The following NCAM2 variants were observed in gnomAD, a reference collection of about 807,000 sequenced individuals.
NCAM2 encodes N-CAM-2.
NCAM2 carries 30 observed loss-of-function variants against 98.1 expected under a neutral mutation model. The observed-to-expected ratio is 0.31, with a 90% CI of 0.23 to 0.41. The LOEUF (loss-of-function observed/expected upper bound fraction) is 0.41. Ranked by LOEUF, NCAM2 falls within the 10% of genes least tolerant of loss-of-function variation. NCAM2 has a pLI of 1.00. For missense variants in NCAM2, 867 were observed against 1,005.8 expected (o/e 0.86, Z 1.87); for synonymous variants, 368 against 342.4 (o/e 1.07, Z -0.83).
chr21:21,121,667 C>G (rs2066677162), intron 1 of NCAM2, among the ~76,000 whole-genome samples: 1 of 152,134 alleles, frequency 6.6e-6, no homozygotes, highest in Non-Finnish European at 1.5e-5. Context: ...TTCACTCTAG[C>G]CAGTTGAAGC....
intron 1 of NCAM2, among the ~76,000 whole-genome samples, chr21:21,155,224 G>T (rs1414749496): frequency 6.6e-6 from 1 of 150,736 alleles, no homozygotes; most frequent in Admixed American, 6.7e-5. Flanking sequence ...GAAAATGTTT[G>T]CCATGTGAGC....
rs140830729 is a variant in NCAM2 at position 21,120,788 on chromosome 21, G to T, written c.55+122170G>T. ...GGCTGGAGTGCAGTGGCGCAATCTC[G>T]GCTCACTGCAACCTCTGCCTCCCGG... On this transcript the variant is annotated intron_variant, in intron 1 of 17. Transcript: ENST00000400546. Among the ~76,000 whole-genome samples, 437 of 148,952 alleles carry T rather than the reference G, an allele frequency of 2.9e-3. 2 individuals carry two copies. Among genetic ancestry groups the T allele is most frequent in the African/African-American group, 8.1e-3 (330 of 40,520 alleles).
chr21:21,480,344 G>A (rs1985746699), intron 15 of NCAM2, among the ~76,000 whole-genome samples: 1 of 140,556 alleles, frequency 7.1e-6, no homozygotes, highest in African/African-American at 3.0e-5. Context: ...TCCAGCCTGG[G>A]CGACAGAGCG....
intron 1 of NCAM2, among the ~76,000 whole-genome samples, chr21:21,003,977 T>C (rs1422816463): frequency 6.6e-6 from 1 of 152,148 alleles, no homozygotes; most frequent in Non-Finnish European, 1.5e-5. Flanking sequence ...TTTTGTATCA[T>C]GAATCCTTTC....
chr21:21,229,252 C>T (rs1568802023), intron 1 of NCAM2, among the ~76,000 whole-genome samples: 1 of 151,306 alleles, frequency 6.6e-6, no homozygotes, highest in Non-Finnish European at 1.5e-5. Flanking sequence ...TCTTAATAAC[C>T]TATGTTTGAT....
At chr21:21,402,875 C>T (rs1055437042) in intron 9 of NCAM2, among the ~76,000 whole-genome samples, 4 of 152,078 alleles carry the variant, frequency 2.6e-5, no homozygotes, top group African/African-American at 9.7e-5. Flanking sequence ...TGAGAAACCT[C>T]CATACAGTTT....
chr21:21,295,530 G>T (rs1209310458), intron 5 of NCAM2, among the ~76,000 whole-genome samples: 1 of 151,764 alleles, frequency 6.6e-6, no homozygotes, highest in Non-Finnish European at 1.5e-5. Flanking sequence ...TCTAGCCAGT[G>T]ACTTAGAAGC....
intron 1 of NCAM2, among the ~76,000 whole-genome samples, chr21:21,275,537 G>T (rs1233046702): frequency 6.6e-6 from 1 of 151,922 alleles, no homozygotes; most frequent in Non-Finnish European, 1.5e-5. Flanking sequence ...AACTGATTAT[G>T]AGAAATATCC....
rs138318135 is a variant in NCAM2 at position 21,007,518 on chromosome 21, C to A, written c.55+8900C>A. Among the ~76,000 whole-genome samples the A allele has an allele frequency of 1.2e-4, 19 of 152,270 alleles. No individual in the cohort carries two copies. The East Asian group carries it at 3.7e-3, about 29-fold the overall frequency. ...ATTATATGCTAAACGAGTGGTGGAT[C>A]ATTCATGAATTTTCTGGGAAAGGGG... On this transcript the variant is annotated intron_variant, in intron 1 of 17. Transcript: ENST00000400546.
intron 1 of NCAM2, among the ~76,000 whole-genome samples, chr21:21,004,431 A>C (rs2064075493): frequency 6.6e-6 from 1 of 152,142 alleles, no homozygotes; most frequent in African/African-American, 2.4e-5. Flanking sequence ...TTATTTTTGT[A>C]GTTATCTGGA....
chr21:21,167,045 T>C (rs2067974811), intron 1 of NCAM2, among the ~76,000 whole-genome samples: 1 of 152,212 alleles, frequency 6.6e-6, no homozygotes, highest in Non-Finnish European at 1.5e-5. Context: ...ATTAGTTTTG[T>C]TGTTTTATGT....
intron 1 of NCAM2, among the ~76,000 whole-genome samples, chr21:21,141,762 TC>T (rs2067172558): frequency 6.6e-6 from 1 of 152,122 alleles, no homozygotes; most frequent in African/African-American, 2.4e-5. Flanking sequence ...TGACAAGGTG[TC>T]CCAGGCCTAG....
At chr21:21,372,942 T>C (rs77617219) in intron 8 of NCAM2, among the ~76,000 whole-genome samples, 2,699 of 151,934 alleles carry the variant, frequency 0.018, 78 homozygotes, top group East Asian at 0.14. Flanking sequence ...AATTTACTTT[T>C]CAATACTGTG....
chr21:21,340,653 A>G (rs1021678584), intron 8 of NCAM2, among the ~76,000 whole-genome samples: 1 of 152,002 alleles, frequency 6.6e-6, no homozygotes, highest in Non-Finnish European at 1.5e-5. Context: ...CTCCAAATAT[A>G]TTTTAAGATC....
intron 9 of NCAM2, among the ~76,000 whole-genome samples, chr21:21,392,655 G>A (rs543623299): frequency 2.0e-5 from 3 of 152,264 alleles, no homozygotes; most frequent in African/African-American, 7.2e-5. Context: ...ACTGATGTGA[G>A]ATGGGTATCT....
At chr21:21,042,562 T>C (rs2064927813) in intron 1 of NCAM2, among the ~76,000 whole-genome samples, 1 of 152,156 alleles carries the variant, frequency 6.6e-6, no homozygotes, top group Non-Finnish European at 1.5e-5. Flanking sequence ...TGTACAAAAA[T>C]CTCAGGGATT....
At chr21:21,358,738 T>A (rs926145978) in intron 8 of NCAM2, among the ~76,000 whole-genome samples, 13 of 152,088 alleles carry the variant, frequency 8.5e-5, no homozygotes, top group Non-Finnish European at 2.9e-5. Flanking sequence ...TAAATTGTTA[T>A]AACTTTTTCT....
intron 6 of NCAM2, among the ~76,000 whole-genome samples, chr21:21,328,215 C>G (rs1048497581): frequency 2.6e-5 from 4 of 152,066 alleles, no homozygotes; most frequent in Admixed American, 2.6e-4. Context: ...ACATATTACT[C>G]ATGAGTTGGT....
chr21:21,266,699 C>T (rs1246912311), intron 1 of NCAM2, among the ~76,000 whole-genome samples: 1 of 151,404 alleles, frequency 6.6e-6, no homozygotes, highest in African/African-American at 2.4e-5. Flanking sequence ...GCAAGGGGAA[C>T]ATCACACACC....
Sources: gnomAD v4.1 joint callset for allele counts (sites outside exome capture counted in the v4.1 genomes callset) on GRCh38, gnomAD v4.1.1 for gene constraint, MANE v1.5 for transcripts, NCBI Gene and HGNC (gene_info 2026-07-23, HGNC 2026-07-21) for gene names.